Variants in PTPRD observed in about 807,000 individuals in gnomAD.
PTPRD encodes receptor-type tyrosine-protein phosphatase delta.
A neutral mutation model predicts 214.5 loss-of-function variants in PTPRD; 34 were observed. That is an observed-to-expected ratio of 0.16 (90% CI 0.12 to 0.21). PTPRD has a LOEUF of 0.21. Ranked by LOEUF, PTPRD falls within the 10% of genes least tolerant of loss-of-function variation. The probability of loss-of-function intolerance (pLI) is 1.00; values close to 1 mark genes in which losing one functional copy is unlikely to be tolerated. For missense variants in PTPRD, 2,545 were observed against 2,398.7 expected (o/e 1.06, Z -1.27); for synonymous variants, 1,128 against 845.7 (o/e 1.33, Z -5.79).
At position 8,833,897 on chromosome 9, in the gene PTPRD, C is replaced by T. The variant is rs555213508; in HGVS notation, c.-103-99951G>A. Among the ~76,000 whole-genome samples, 9 of 138,032 alleles carry T rather than the reference C, an allele frequency of 6.5e-5. No individual in the cohort carries two copies. The South Asian group carries it at 2.1e-3, about 33-fold the overall frequency. 90.6% of individuals were successfully genotyped at this position (138,032 alleles called of 152,430 possible). A position where few individuals can be genotyped will look rare whatever the true frequency, so the allele number is the denominator to read the frequency against. On this transcript the variant is annotated intron_variant, in intron 11 of 45. Transcript: ENST00000381196. ...ATACTGTACCATTTACAAAAATTAA[C>T]CAACTTATGGATAAATGTATTAAAA...
intron 11 of PTPRD, among the ~76,000 whole-genome samples, chr9:8,745,730 C>A (rs1287392035): frequency 2.0e-5 from 3 of 152,064 alleles, no homozygotes; most frequent in Non-Finnish European, 4.4e-5. Context: ...ATGTTTATAC[C>A]ACCTTAAGGT....
chr9:8,889,808 G>A (rs2098523189), intron 11 of PTPRD, among the ~76,000 whole-genome samples: 1 of 152,306 alleles, frequency 6.6e-6, no homozygotes, highest in East Asian at 1.9e-4. Flanking sequence ...TTTTATGGCT[G>A]AGTAGTATTC....
chr9:10,067,713 A>C (rs2097911051), intron 3 of PTPRD, among the ~76,000 whole-genome samples: 1 of 151,860 alleles, frequency 6.6e-6, no homozygotes, highest in Non-Finnish European at 1.5e-5. Context: ...TTCAAACCAA[A>C]GTCTTTTTTA....
At chr9:8,925,704 C>T (rs2098878554) in intron 11 of PTPRD, among the ~76,000 whole-genome samples, 1 of 151,152 alleles carries the variant, frequency 6.6e-6, no homozygotes, top group Admixed American at 6.6e-5. Flanking sequence ...TTCCTTTACG[C>T]CACACCTCTA....
intron 3 of PTPRD, among the ~76,000 whole-genome samples, chr9:10,199,168 T>C (rs1014325979): frequency 5.3e-5 from 8 of 152,066 alleles, no homozygotes; most frequent in Non-Finnish European, 1.0e-4. Flanking sequence ...CTATTCGAAC[T>C]GATTCTTATT....
chr9:10,607,802 CT>C (rs1215461624), intron 2 of PTPRD, among the ~76,000 whole-genome samples: 19 of 151,630 alleles, frequency 1.3e-4, no homozygotes, highest in Non-Finnish European at 2.5e-4. Context: ...GCATATATTC[CT>C]TCTTTGTATT....
intron 3 of PTPRD, among the ~76,000 whole-genome samples, chr9:10,109,099 T>C (rs1199815671): frequency 6.6e-6 from 1 of 152,168 alleles, no homozygotes; most frequent in African/African-American, 2.4e-5. Flanking sequence ...AATGTGAACA[T>C]GTTGCCATAT....
intron 9 of PTPRD, among the ~76,000 whole-genome samples, chr9:9,245,253 G>C (rs972016299): frequency 6.6e-6 from 1 of 152,100 alleles, no homozygotes; most frequent in Non-Finnish European, 1.5e-5. Context: ...TCTAGAACTA[G>C]AAATACCATT....
At chr9:9,457,453 C>A (rs183673186) in intron 8 of PTPRD, among the ~76,000 whole-genome samples, 1 of 151,772 alleles carries the variant, frequency 6.6e-6, no homozygotes, top group Admixed American at 6.6e-5. Flanking sequence ...ATTCTGTGTT[C>A]TATATTTCAG....
At chr9:8,828,107 C>A (rs1168497293) in intron 11 of PTPRD, among the ~76,000 whole-genome samples, 1 of 152,086 alleles carries the variant, frequency 6.6e-6, no homozygotes, top group African/African-American at 2.4e-5. Flanking sequence ...GAGCTGGATG[C>A]AATGATTATG....
chr9:8,408,977 C>G (rs1484667686), intron 35 of PTPRD, among the ~76,000 whole-genome samples: 1 of 152,158 alleles, frequency 6.6e-6, no homozygotes, highest in African/African-American at 2.4e-5. Context: ...TCTGAAAGTT[C>G]TAATCCTTTT....
intron 2 of PTPRD, among the ~76,000 whole-genome samples, chr9:10,404,964 T>G (rs2098331267): frequency 2.1e-5 from 1 of 48,088 alleles, no homozygotes; most frequent in African/African-American, 5.1e-5. Flanking sequence ...AATCTCATCC[T>G]CCACAGCCAT....
chr9:10,264,184 G>A (rs2093893319), intron 3 of PTPRD, among the ~76,000 whole-genome samples: 1 of 152,300 alleles, frequency 6.6e-6, no homozygotes, highest in Middle Eastern at 3.4e-3. Flanking sequence ...AGGGAAATGT[G>A]GGGTTGAAGC....
At chr9:8,653,736 T>C (rs150951297) in intron 12 of PTPRD, among the ~76,000 whole-genome samples, 1 of 152,288 alleles carries the variant, frequency 6.6e-6, no homozygotes, top group Non-Finnish European at 1.5e-5. Context: ...TTTTGCCTCC[T>C]ACATCAACAG....
chr9:9,567,405 T>G (rs1372684264), intron 8 of PTPRD, among the ~76,000 whole-genome samples: 2 of 151,898 alleles, frequency 1.3e-5, no homozygotes, highest in African/African-American at 4.8e-5. Flanking sequence ...TTCTGTACAT[T>G]TTTATACAGA....
intron 3 of PTPRD, among the ~76,000 whole-genome samples, chr9:10,038,877 C>A (rs1005396602): frequency 1.3e-5 from 2 of 152,040 alleles, no homozygotes; most frequent in Non-Finnish European, 2.9e-5. Flanking sequence ...ATCCTCATTT[C>A]TCTCCCAGAT....
chr9:9,894,992 G>GA (rs1179085321), intron 5 of PTPRD, among the ~76,000 whole-genome samples: 2 of 151,880 alleles, frequency 1.3e-5, no homozygotes, highest in African/African-American at 4.8e-5. Context: ...AATCTTTCTA[G>GA]AAAAAAGCAA....
intron 11 of PTPRD, among the ~76,000 whole-genome samples, chr9:8,777,740 T>G (rs574058040): frequency 6.6e-6 from 1 of 152,206 alleles, no homozygotes; most frequent in South Asian, 2.1e-4. Context: ...GAAAGCCTTA[T>G]TTACTGTACT....
chr9:10,206,360 G>T (rs2099478892), intron 3 of PTPRD, among the ~76,000 whole-genome samples: 1 of 152,154 alleles, frequency 6.6e-6, no homozygotes. Context: ...GAGGGCACTA[G>T]GTAGTCATCT....
Sources: gnomAD v4.1 joint callset for allele counts (sites outside exome capture counted in the v4.1 genomes callset) on GRCh38, gnomAD v4.1.1 for gene constraint, MANE v1.5 for transcripts, NCBI Gene and HGNC (gene_info 2026-07-23, HGNC 2026-07-21) for gene names.